BMX: variants seen among roughly 807,000 people sequenced by gnomAD.
The protein encoded by BMX is cytoplasmic tyrosine-protein kinase BMX.
A neutral mutation model predicts 59.2 loss-of-function variants in BMX; 31 were observed. That is an observed-to-expected ratio of 0.52 (90% CI 0.39 to 0.71). The LOEUF (loss-of-function observed/expected upper bound fraction) is 0.71, where lower values mean the gene tolerates loss of function less well. Ranked by LOEUF, BMX falls within the 30% of genes least tolerant of loss-of-function variation. The probability of loss-of-function intolerance (pLI) is 0.00; values close to 1 mark genes in which losing one functional copy is unlikely to be tolerated. For missense variants in BMX, 474 were observed against 491.7 expected (o/e 0.96, Z 0.34); for synonymous variants, 185 against 181.0 (o/e 1.02, Z -0.18).
At chrX:15,552,127 A>G (rs1926229886) in intron 18 of BMX, among the ~76,000 whole-genome samples, 2 of 112,458 alleles carry the variant, frequency 1.8e-5, no homozygotes, top group Admixed American at 1.9e-4. Flanking sequence ...TTATGACTCA[A>G]TATGGATTTG....
At chrX:15,501,070 T>TTC in intron 1 of BMX, 130 bp downstream of exon 1, 1 of 553,790 alleles carries the variant, frequency 1.8e-6, no homozygotes, top group Non-Finnish European at 2.2e-6. Context: ...TACAACATTT[T>TTC]TAATATGAAA....
At chrX:15,539,151 C>T (rs1465657722) in intron 14 of BMX, among the ~76,000 whole-genome samples, 3 of 110,543 alleles carry the variant, frequency 2.7e-5, no homozygotes, top group Non-Finnish European at 5.7e-5. Context: ...GAAAATCTGG[C>T]AGAAACTTTC....
intron 18 of BMX, among the ~76,000 whole-genome samples, chrX:15,551,529 GTA>G (rs748545797): frequency 4.2e-5 from 4 of 94,771 alleles, no homozygotes; most frequent in African/African-American, 3.9e-5. Flanking sequence ...GTGTGTGTGT[GTA>G]TATATATATA....
chrX:15,541,430 A>T (rs903007299), intron 14 of BMX, among the ~76,000 whole-genome samples: 1 of 111,628 alleles, frequency 9.0e-6, no homozygotes, highest in Non-Finnish European at 1.9e-5. Flanking sequence ...GCTACATCAT[A>T]TGGTTAGTAT....
chrX:15,542,277 G>A, intron 15 of BMX, 79 bp downstream of exon 15: 1 of 903,249 alleles, frequency 1.1e-6, no homozygotes. Flanking sequence ...CACTGGTAGG[G>A]AAGGCAAGAA....
At chrX:15,533,354 C>T (rs12834519) in intron 11 of BMX, among the ~76,000 whole-genome samples, 1 of 111,643 alleles carries the variant, frequency 9.0e-6, no homozygotes, top group Admixed American at 9.6e-5. Flanking sequence ...CCACCCTCCA[C>T]CCTCAAGTAA....
intron 3 of BMX, among the ~76,000 whole-genome samples, chrX:15,510,002 C>G (rs1244103381): frequency 9.0e-6 from 1 of 111,516 alleles, no homozygotes; most frequent in Non-Finnish European, 1.9e-5. Context: ...ACAAAGGAAG[C>G]AGCAGGTGTC....
intron 16 of BMX, among the ~76,000 whole-genome samples, chrX:15,546,472 TAAGATCAGAAAGTACA>T (rs1569230645): frequency 8.9e-6 from 1 of 111,862 alleles, no homozygotes; most frequent in Non-Finnish European, 1.9e-5. Flanking sequence ...ATGTGGGAAA[TAAGATCAGAAAGTACA>T]AAGAAAAATG....
chrX:15,524,096 A>G (rs1451094162), intron 7 of BMX, among the ~76,000 whole-genome samples: 1 of 112,026 alleles, frequency 8.9e-6, no homozygotes, highest in African/African-American at 3.2e-5. Flanking sequence ...CTTCTTTTTA[A>G]TCTACTTTCT....
At chrX:15,501,531 A>T (rs962318674) in intron 1 of BMX, among the ~76,000 whole-genome samples, 4 of 112,207 alleles carry the variant, frequency 3.6e-5, no homozygotes, top group Non-Finnish European at 7.5e-5. Flanking sequence ...GTGGGCCACA[A>T]TGATTTCATT....
chrX:15,545,502 G>A (rs1183656807), intron 16 of BMX, among the ~76,000 whole-genome samples: 3 of 112,293 alleles, frequency 2.7e-5, no homozygotes, highest in Admixed American at 1.9e-4. Flanking sequence ...TAGGTTGTGC[G>A]CATGCTCATT....
intron 18 of BMX, among the ~76,000 whole-genome samples, chrX:15,555,245 A>G (rs1222364242): frequency 1.3e-5 from 1 of 76,601 alleles, no homozygotes; most frequent in East Asian, 4.7e-4. Flanking sequence ...GTCTTGCTCT[A>G]TCACTCAGGC....
At chrX:15,521,584 G>T (rs937335873) in intron 6 of BMX, among the ~76,000 whole-genome samples, 2 of 111,573 alleles carry the variant, frequency 1.8e-5, no homozygotes, top group South Asian at 7.5e-4. Context: ...CTGTTTCCTT[G>T]CATTTTCCAG....
intron 11 of BMX, among the ~76,000 whole-genome samples, chrX:15,533,897 G>A (rs146435498): frequency 0.025 from 2,829 of 111,064 alleles, 81 homozygotes; most frequent in African/African-American, 0.086. Flanking sequence ...AGCCTCTCTC[G>A]ATCATCAAAG....
chrX:15,522,638 C>T, intron 7 of BMX, 51 bp downstream of exon 7: 4 of 1,190,583 alleles, frequency 3.4e-6, no homozygotes, highest in South Asian at 1.9e-5. Flanking sequence ...TAAACACTAC[C>T]CCGGCTGCCC....
chrX:15,549,699 C>T, intron 17 of BMX, 141 bp from the exon 18 acceptor site: 1 of 671,790 alleles, frequency 1.5e-6, no homozygotes, highest in Non-Finnish European at 2.2e-6. Context: ...GCTCATTTCG[C>T]TGGGACTCAT....
intron 6 of BMX, 59 bp downstream of exon 6, chrX:15,518,052 T>G: frequency 1.0e-6 from 1 of 991,970 alleles, no homozygotes; most frequent in Non-Finnish European, 1.4e-6. Context: ...AAACCAAGAG[T>G]TGCCAGATTC....
rs756973630 is a variant in BMX at position 15,534,242 on chromosome X, C to A, written c.1050C>A (p.His350Gln). Residue 350 changes from histidine to glutamine, a missense_variant, in exon 12 of 19, where the codon CAC becomes CAA. Coordinates refer to ENST00000348343, the MANE Select transcript of BMX (RefSeq NM_203281.3). ...AAAAAGGAACTGTCAAACATTACCA[C>A]GTGCATACAAATGCTGAGAACAAAT... ...NDKKGTVKHYHVHTNAENKLY... is the reference protein window; with the variant it reads ...NDKKGTVKHYQVHTNAENKLY... 6.8e-6 allele frequency: 8 copies of A among 1,177,456 alleles called. No individual in the cohort carries two copies. In the Admixed American group the frequency reaches 1.4e-4, roughly 21 times the overall value.
At chrX:15,524,303 T>C (rs140372560) in intron 7 of BMX, among the ~76,000 whole-genome samples, 2 of 112,748 alleles carry the variant, frequency 1.8e-5, no homozygotes, top group African/African-American at 6.4e-5. Flanking sequence ...TACATGAGGA[T>C]ACACCTGACT....
Sources: allele counts gnomAD v4.1 joint callset (sites outside exome capture counted in the v4.1 genomes callset), GRCh38; gene constraint gnomAD v4.1.1; transcripts MANE v1.5; gene names NCBI Gene and HGNC (gene_info 2026-07-23, HGNC 2026-07-21).